NF2: variants seen among roughly 807,000 people sequenced by gnomAD.
The protein encoded by NF2 is NF2, moesin-ezrin-radixin like (MERLIN) tumor suppressor, also known as merlin.
NF2 carries 8 observed loss-of-function variants against 83.7 expected under a neutral mutation model. That is an observed-to-expected ratio of 0.10 (90% confidence interval 0.06 to 0.17). NF2 has a LOEUF of 0.17. Among genes scored for constraint, NF2 ranks in the 10% least tolerant of loss-of-function variants. The pLI, the probability that NF2 is intolerant of heterozygous loss-of-function variation, is 1.00. For synonymous variants in NF2, 266 were observed against 269.6 expected (o/e 0.99, Z 0.13); for missense variants, 533 against 744.4 (o/e 0.72, Z 3.31).
At chr22:29,643,818 A>T (rs1320359133) in intron 4 of NF2, among the ~76,000 whole-genome samples, 1 of 152,110 alleles carries the variant, frequency 6.6e-6, no homozygotes, top group Non-Finnish European at 1.5e-5. Flanking sequence ...CACCTCCCAG[A>T]CGGGGTGGTG....
intron 4 of NF2, among the ~76,000 whole-genome samples, chr22:29,643,705 C>A (rs977231077): frequency 1.3e-5 from 2 of 152,200 alleles, no homozygotes; most frequent in African/African-American, 4.8e-5. Flanking sequence ...TACACAGACA[C>A]GGCAACCATC....
chr22:29,646,252 T>C (rs1223123855), intron 4 of NF2, among the ~76,000 whole-genome samples: 1 of 152,234 alleles, frequency 6.6e-6, no homozygotes, highest in Non-Finnish European at 1.5e-5. Flanking sequence ...AGCCTATTTT[T>C]ATGAAATTTT....
rs1465741338 is a variant in NF2, at chr22:29,642,345, T to C, written c.447+60T>C. The C allele has an allele frequency of 8.3e-6, 11 of 1,323,852 alleles. No homozygotes were observed. In the Admixed American group the frequency reaches 1.8e-4, roughly 21 times the overall value. 82.0% of individuals were successfully genotyped at this position (1,323,852 alleles called of 1,614,324 possible). A position where few individuals can be genotyped will look rare whatever the true frequency, so the allele number is the denominator to read the frequency against. Reference sequence around the variant, plus strand: ...GCGTTAATTTGGGTCATGGGATCACTCCTATCTTCTCTTTCTTTGGGTTTT... The same window carrying C: ...GCGTTAATTTGGGTCATGGGATCACCCCTATCTTCTCTTTCTTTGGGTTTT... On this transcript the variant is annotated intron_variant, in intron 4 of 15. Transcript: ENST00000338641.
chr22:29,661,489 CTTTACAGAACAGTA>C, intron 8 of NF2, 150 bp downstream of exon 8: 1 of 1,170,138 alleles, frequency 8.5e-7, no homozygotes, highest in Admixed American at 1.9e-5. Context: ...TTTTCGAAGT[CTTTACAGAACAGTA>C]TTGGCATCAA....
Position 29,636,972 on chromosome 22 carries a change from G to A in NF2, c.240+96G>A. On this transcript the variant is annotated intron_variant, in intron 2 of 15. Transcript: ENST00000338641. The surrounding 1 kb of genome is among the most constrained non-coding windows in gnomAD (Gnocchi z 4.4). ...AGCTCATCACTGGGGCGCTGTAGCT[G>A]TATAGTAGAGAAGGGGGCACATTCC... 2.6e-6 allele frequency: 4 copies of A among 1,559,354 alleles called. No homozygotes were observed. Among genetic ancestry groups the A allele is most frequent in the East Asian group, 2.2e-5 (1 of 44,640 alleles).
chr22:29,681,349 G>A (rs181990695), intron 14 of NF2, 90 bp from the exon 15 acceptor site: 14 of 1,531,556 alleles, frequency 9.1e-6, no homozygotes, highest in East Asian at 4.5e-5. Flanking sequence ...ACCCTAGATC[G>A]CACACCAAGC....
At chr22:29,666,641 C>G (rs530537512) in intron 9 of NF2, among the ~76,000 whole-genome samples, 11 of 151,886 alleles carry the variant, frequency 7.2e-5, no homozygotes, top group Middle Eastern at 3.4e-3. Flanking sequence ...CATAGCAAGA[C>G]CCTGTCTCCA....
intron 6 of NF2, among the ~76,000 whole-genome samples, chr22:29,657,209 C>A (rs2066338557): frequency 6.6e-6 from 1 of 152,126 alleles, no homozygotes; most frequent in African/African-American, 2.4e-5. Flanking sequence ...ATTGGCGTTG[C>A]CCATCTTAAA....
chr22:29,606,915 T>A (rs1242705331), intron 1 of NF2, among the ~76,000 whole-genome samples: 1 of 152,102 alleles, frequency 6.6e-6, no homozygotes, highest in South Asian at 2.1e-4. Flanking sequence ...CATGGGGGCA[T>A]ACACTTGTAA....
intron 1 of NF2, among the ~76,000 whole-genome samples, chr22:29,628,308 T>C (rs1000005532): frequency 7.2e-5 from 11 of 152,060 alleles, no homozygotes; most frequent in East Asian, 3.9e-4. Context: ...GTATGTGGCA[T>C]TGGGGGACAT....
chr22:29,623,175 G>A (rs1891943655), intron 1 of NF2, among the ~76,000 whole-genome samples: 1 of 151,804 alleles, frequency 6.6e-6, no homozygotes, highest in Admixed American at 6.6e-5. Context: ...GAACTTCTGG[G>A]CTCAAGCGAT....
intron 6 of NF2, 35 bp downstream of exon 6, chr22:29,655,711 A>C: frequency 2.4e-6 from 3 of 1,250,810 alleles, no homozygotes; most frequent in Non-Finnish European, 3.4e-6. Flanking sequence ...ACATTCCTTT[A>C]TGGGCTTTTT....
At chr22:29,661,755 GGT>G (rs1354121068) in intron 8 of NF2, among the ~76,000 whole-genome samples, 1 of 151,818 alleles carries the variant, frequency 6.6e-6, no homozygotes, top group African/African-American at 2.4e-5. Context: ...AGCTACTACA[GGT>G]GTGCGCCACA....
chr22:29,632,104 T>C (rs534302065), intron 1 of NF2, among the ~76,000 whole-genome samples: 1 of 152,306 alleles, frequency 6.6e-6, no homozygotes, highest in South Asian at 2.1e-4. Flanking sequence ...ATGAGATAGG[T>C]AGAGTTAGTT....
chr22:29,666,401 A>G (rs1027083262), intron 9 of NF2, among the ~76,000 whole-genome samples: 7 of 152,066 alleles, frequency 4.6e-5, no homozygotes, highest in African/African-American at 7.2e-5. Context: ...GGCCTCCCAA[A>G]GTGCTGGGAT....
At chr22:29,653,296 T>A (rs1050543815) in intron 4 of NF2, among the ~76,000 whole-genome samples, 1 of 151,884 alleles carries the variant, frequency 6.6e-6, no homozygotes, top group Non-Finnish European at 1.5e-5. Flanking sequence ...ATACAGAAAT[T>A]AGCCCGGGGT....
chr22:29,640,979 C>G (rs1369910866), intron 3 of NF2, among the ~76,000 whole-genome samples: 1 of 151,934 alleles, frequency 6.6e-6, no homozygotes, highest in Non-Finnish European at 1.5e-5. Flanking sequence ...ACTAAAAATA[C>G]AAAATTAGCC....
chr22:29,655,790 C>T (rs1249282068), intron 6 of NF2, 114 bp downstream of exon 6: 1 of 846,118 alleles, frequency 1.2e-6, no homozygotes. Context: ...GTACTGAAGT[C>T]TATAAAAGAA....
chr22:29,690,804 G>A (rs760659972), intron 15 of NF2, among the ~76,000 whole-genome samples: 13 of 152,222 alleles, frequency 8.5e-5, no homozygotes, highest in Non-Finnish European at 1.6e-4. Context: ...TGTTCTTGTA[G>A]GCATCTTCAG....
Sources: allele counts gnomAD v4.1 joint callset (sites outside exome capture counted in the v4.1 genomes callset), GRCh38; gene constraint gnomAD v4.1.1; non-coding constraint Gnocchi (gnomAD v3.1); transcripts MANE v1.5; gene names NCBI Gene and HGNC (gene_info 2026-07-23, HGNC 2026-07-21).